Variants in SLC24A3 observed in about 807,000 individuals in gnomAD.
SLC24A3 encodes solute carrier family 24 member 3, also known as sodium/potassium/calcium exchanger 3.
A neutral mutation model predicts 75.8 loss-of-function variants in SLC24A3; 28 were observed. The ratio of observed to expected loss-of-function variants is 0.37; its 90% CI spans 0.27 to 0.51. The LOEUF is 0.51. SLC24A3 is among the 20% of genes least tolerant of loss of function. The pLI, the probability that SLC24A3 is intolerant of heterozygous loss-of-function variation, is 0.94. For missense variants in SLC24A3, 663 were observed against 847.8 expected (o/e 0.78, Z 2.71); for synonymous variants, 372 against 334.1 (o/e 1.11, Z -1.24).
At chr20:19,698,757 C>T (rs2032840048) in intron 15 of SLC24A3, 77 bp downstream of exon 15, 1 of 1,140,894 alleles carries the variant, frequency 8.8e-7, no homozygotes, top group African/African-American at 1.5e-5. Flanking sequence ...GCCACAGGGT[C>T]TTTGTCTCGG....
intron 15 of SLC24A3, among the ~76,000 whole-genome samples, chr20:19,716,200 C>G (rs1227504476): frequency 1.3e-5 from 2 of 152,090 alleles, no homozygotes; most frequent in African/African-American, 4.8e-5. Context: ...CCTCTGAGAA[C>G]CACTGCTCTA....
At chr20:19,669,133 C>T (rs150815865) in intron 8 of SLC24A3, among the ~76,000 whole-genome samples, 149 of 152,276 alleles carry the variant, frequency 9.8e-4, no homozygotes, top group African/African-American at 2.9e-3. Context: ...GTGGGGTTCT[C>T]TTAGCAGGGA....
chr20:19,654,592 T>C (rs1467918752), intron 7 of SLC24A3, among the ~76,000 whole-genome samples: 2 of 149,930 alleles, frequency 1.3e-5, no homozygotes, highest in Non-Finnish European at 3.0e-5. Flanking sequence ...TAAAGAACTC[T>C]CTACTAGACA....
At chr20:19,585,666 A>G in intron 6 of SLC24A3, 122 bp downstream of exon 6, 1 of 939,316 alleles carries the variant, frequency 1.1e-6, no homozygotes, top group East Asian at 2.4e-5. Flanking sequence ...TGGTTTGGGC[A>G]GCAGTGATTT....
intron 2 of SLC24A3, among the ~76,000 whole-genome samples, chr20:19,293,188 A>T (rs900717542): frequency 1.6e-4 from 25 of 152,014 alleles, no homozygotes; most frequent in Admixed American, 1.5e-3. Flanking sequence ...CTCCATTTTA[A>T]CCACAAATAC....
intron 5 of SLC24A3, 127 bp from the exon 6 acceptor site, chr20:19,585,314 C>A: frequency 1.1e-6 from 1 of 931,374 alleles, no homozygotes; most frequent in South Asian, 1.6e-5. Context: ...TTAGAAAGCT[C>A]TCTCCACCCC....
chr20:19,619,056 G>T (rs1235638447), intron 6 of SLC24A3, among the ~76,000 whole-genome samples: 1 of 152,150 alleles, frequency 6.6e-6, no homozygotes, highest in African/African-American at 2.4e-5. Flanking sequence ...CCTGATTACA[G>T]AGGCTTAAAA....
intron 3 of SLC24A3, among the ~76,000 whole-genome samples, chr20:19,555,060 T>C (rs3790259): frequency 0.043 from 6,531 of 152,312 alleles, 161 homozygotes; most frequent in East Asian, 0.079. Flanking sequence ...TCTAATTCTT[T>C]GTGGTTTCGT....
intron 1 of SLC24A3, among the ~76,000 whole-genome samples, chr20:19,236,630 C>G (rs917531550): frequency 6.6e-6 from 1 of 152,094 alleles, no homozygotes; most frequent in Admixed American, 6.5e-5. Flanking sequence ...GTGGTGCATG[C>G]CTGTATTCCC....
intron 2 of SLC24A3, among the ~76,000 whole-genome samples, chr20:19,317,138 C>G (rs1228032498): frequency 1.3e-5 from 2 of 152,146 alleles, no homozygotes; most frequent in Admixed American, 6.5e-5. Flanking sequence ...AAAAACTGGA[C>G]TCCTTCCTTA....
At chr20:19,622,911 GA>G (rs1470813945) in intron 6 of SLC24A3, among the ~76,000 whole-genome samples, 1 of 152,150 alleles carries the variant, frequency 6.6e-6, no homozygotes, top group Non-Finnish European at 1.5e-5. Context: ...GGGAGCAAGA[GA>G]GAAGGAAGGA....
At chr20:19,448,690 C>T (rs751993121) in intron 2 of SLC24A3, among the ~76,000 whole-genome samples, 4 of 152,142 alleles carry the variant, frequency 2.6e-5, no homozygotes, top group South Asian at 2.1e-4. Flanking sequence ...AAACCTGGGC[C>T]GCACCATTCA....
intron 7 of SLC24A3, among the ~76,000 whole-genome samples, chr20:19,662,360 T>C (rs967929072): frequency 5.3e-5 from 8 of 152,220 alleles, no homozygotes; most frequent in African/African-American, 1.9e-4. Context: ...GACAGAGTGT[T>C]GACCCCAGGA....
intron 1 of SLC24A3, among the ~76,000 whole-genome samples, chr20:19,218,316 C>T (rs181116972): frequency 1.3e-5 from 2 of 152,186 alleles, no homozygotes; most frequent in Admixed American, 1.3e-4. Context: ...ATATCATTAC[C>T]CATTTCTCAT....
chr20:19,372,482 G>C (rs1017018151), intron 2 of SLC24A3, among the ~76,000 whole-genome samples: 1 of 152,152 alleles, frequency 6.6e-6, no homozygotes, highest in Admixed American at 6.5e-5. Flanking sequence ...AGGAGAAAAT[G>C]GTTCATGCGG....
At chr20:19,707,956 G>A (rs990800926) in intron 15 of SLC24A3, among the ~76,000 whole-genome samples, 1 of 152,182 alleles carries the variant, frequency 6.6e-6, no homozygotes, top group African/African-American at 2.4e-5. Flanking sequence ...TTAACTGCAA[G>A]TAACAACGTA....
intron 6 of SLC24A3, among the ~76,000 whole-genome samples, chr20:19,623,254 A>G (rs1249303618): frequency 2.0e-5 from 3 of 152,350 alleles, no homozygotes; most frequent in East Asian, 1.9e-4. Context: ...CTGCAGGCCC[A>G]TGTGTCTATT....
chr20:19,375,810 C>T (rs1394626661), intron 2 of SLC24A3, among the ~76,000 whole-genome samples: 1 of 152,178 alleles, frequency 6.6e-6, no homozygotes, highest in African/African-American at 2.4e-5. Flanking sequence ...ATTGAACAGC[C>T]TTGAAAATCA....
At chr20:19,449,991 C>G (rs1434974398) in intron 2 of SLC24A3, among the ~76,000 whole-genome samples, 1 of 152,030 alleles carries the variant, frequency 6.6e-6, no homozygotes, top group African/African-American at 2.4e-5. Context: ...AGAAACAGAG[C>G]TATGGTGTCC....
Sources: gnomAD v4.1 joint callset for allele counts (sites outside exome capture counted in the v4.1 genomes callset) on GRCh38, gnomAD v4.1.1 for gene constraint, MANE v1.5 for transcripts, NCBI Gene and HGNC (gene_info 2026-07-23, HGNC 2026-07-21) for gene names.